Variants in GPC6 observed in about 807,000 individuals in gnomAD.
The protein encoded by GPC6 is glypican-6.
A neutral mutation model predicts 55.2 loss-of-function variants in GPC6; 14 were observed. That is an observed-to-expected ratio of 0.25 (90% CI 0.17 to 0.40). The LOEUF is 0.40. Among genes scored for constraint, GPC6 ranks in the 10% least tolerant of loss-of-function variants. The probability of loss-of-function intolerance (pLI) is 1.00; values close to 1 mark genes in which losing one functional copy is unlikely to be tolerated. For missense variants in GPC6, 641 were observed against 708.5 expected (o/e 0.90, Z 1.08); for synonymous variants, 278 against 259.6 (o/e 1.07, Z -0.68).
At chr13:94,378,187 A>G (rs1447879016) in intron 6 of GPC6, among the ~76,000 whole-genome samples, 1 of 152,066 alleles carries the variant, frequency 6.6e-6, no homozygotes, top group East Asian at 1.9e-4. Context: ...CCTAAAACTT[A>G]AAGTATAATA....
At position 94,350,001 on chromosome 13, in the gene GPC6, A is replaced by G. The variant is rs181916352; in HGVS notation, c.1153-32413A>G. 1.6e-3 allele frequency among the ~76,000 whole-genome samples: 239 copies of G among 152,204 alleles called. 4 individuals are homozygous for G. Among genetic ancestry groups the G allele is most frequent in the South Asian group, 1.5e-3 (7 of 4,816 alleles). ...GGAATTGTACTTCTTTGATTCCTCA[A>G]TGCTGAGCACAAAATCCTACTCTCG... On this transcript the variant is annotated intron_variant, in intron 6 of 8. Transcript: ENST00000377047.
intron 4 of GPC6, among the ~76,000 whole-genome samples, chr13:94,097,250 C>G (rs1271810299): frequency 6.6e-6 from 1 of 152,010 alleles, no homozygotes; most frequent in Non-Finnish European, 1.5e-5. Flanking sequence ...GGCCTGTAAT[C>G]CCAGCACTTT....
Position 93,830,218 on chromosome 13 carries a change from T to C in GPC6, c.384T>C (p.Tyr128=). 4 of 1,604,928 alleles carry C rather than the reference T, an allele frequency of 2.5e-6. No individual in the cohort carries two copies. Among genetic ancestry groups the C allele is most frequent in the South Asian group, 2.2e-5 (2 of 90,602 alleles). Residue 128 remains tyrosine (Y), a synonymous_variant, in exon 3 of 9, where the codon TAT becomes TAC. Coordinates refer to ENST00000377047, the MANE Select transcript of GPC6 (RefSeq NM_005708.5). ...TAAATGATATGTTTGTACGGACCTA[T>C]GGCATGCTGTACATGCAGAATTCAG... ...KSLNDMFVRT[Y]GMLYMQNSEV...
chr13:93,652,976 T>C (rs1014177915), intron 2 of GPC6, among the ~76,000 whole-genome samples: 30 of 152,204 alleles, frequency 2.0e-4, no homozygotes, highest in African/African-American at 7.0e-4. Context: ...TCTCTTTCTA[T>C]GCAACTTATA....
chr13:94,104,060 A>G (rs1300006571), intron 4 of GPC6, among the ~76,000 whole-genome samples: 2 of 152,192 alleles, frequency 1.3e-5, no homozygotes, highest in Non-Finnish European at 2.9e-5. Flanking sequence ...TAATTTTTGT[A>G]CAAGGTGTAA....
At chr13:94,276,283 T>C (rs1159589453) in intron 4 of GPC6, among the ~76,000 whole-genome samples, 1 of 152,110 alleles carries the variant, frequency 6.6e-6, no homozygotes. Flanking sequence ...AACAAGGCTG[T>C]GTTTAGAAAA....
chr13:94,016,686 G>A (rs1218947246), intron 3 of GPC6, among the ~76,000 whole-genome samples: 1 of 152,172 alleles, frequency 6.6e-6, no homozygotes, highest in Non-Finnish European at 1.5e-5. Flanking sequence ...AACAAAATAT[G>A]TCTTCTAGTC....
At chr13:93,300,435 T>C (rs1018274013) in intron 1 of GPC6, among the ~76,000 whole-genome samples, 2 of 147,278 alleles carry the variant, frequency 1.4e-5, no homozygotes, top group Admixed American at 1.4e-4. Context: ...GATCACGAGG[T>C]CAGGAGATTG....
intron 3 of GPC6, among the ~76,000 whole-genome samples, chr13:93,936,551 C>T (rs958738783): frequency 6.6e-6 from 1 of 152,028 alleles, no homozygotes; most frequent in Admixed American, 6.6e-5. Flanking sequence ...TATTACTGAG[C>T]AACTATGATT....
At chr13:94,212,365 G>T (rs1444410197) in intron 4 of GPC6, among the ~76,000 whole-genome samples, 1 of 152,082 alleles carries the variant, frequency 6.6e-6, no homozygotes, top group Non-Finnish European at 1.5e-5. Flanking sequence ...ACTGATATGT[G>T]GATCTAGGAA....
At chr13:94,101,206 G>A (rs1158547525) in intron 4 of GPC6, among the ~76,000 whole-genome samples, 1 of 152,228 alleles carries the variant, frequency 6.6e-6, no homozygotes, top group Non-Finnish European at 1.5e-5. Flanking sequence ...TTCAAGGTTA[G>A]CAGATCTTGT....
chr13:93,502,953 GA>G (rs1205418538), intron 1 of GPC6, among the ~76,000 whole-genome samples: 3 of 151,972 alleles, frequency 2.0e-5, no homozygotes, highest in Admixed American at 6.6e-5. Context: ...AAATAATTAT[GA>G]AAAAAGTTTA....
rs75221600 is a variant in GPC6, at chr13:94,046,376, T to C, written c.877+18482T>C. Among the ~76,000 whole-genome samples, 774 of 152,172 alleles carry C rather than the reference T, an allele frequency of 5.1e-3. 11 individuals are homozygous for C. The highest frequency in any genetic ancestry group is 0.018 in the African/African-American group (744 of 41,548). On this transcript the variant is annotated intron_variant, in intron 4 of 8. Transcript: ENST00000377047. The stretch of plus-strand genomic sequence containing the variant: ...CTGAAGTGTTACCAGCAGTCAACAC[T>C]CTGAGGTCTTACAAGAAGACCTCAC...
At chr13:93,749,138 C>T (rs1449321768) in intron 2 of GPC6, among the ~76,000 whole-genome samples, 20 of 152,034 alleles carry the variant, frequency 1.3e-4, no homozygotes, top group Admixed American at 1.3e-3. Flanking sequence ...TCCCATTTTC[C>T]ATTCTTCAGA....
intron 3 of GPC6, among the ~76,000 whole-genome samples, chr13:93,915,545 G>A (rs1877242465): frequency 6.6e-6 from 1 of 152,196 alleles, no homozygotes; most frequent in Non-Finnish European, 1.5e-5. Context: ...CTATGAATGA[G>A]AACACTATTT....
At chr13:93,975,996 A>T (rs1231075371) in intron 3 of GPC6, among the ~76,000 whole-genome samples, 1 of 152,214 alleles carries the variant, frequency 6.6e-6, no homozygotes, top group Non-Finnish European at 1.5e-5. Flanking sequence ...AATTACTATT[A>T]GCAAGACCTT....
At chr13:93,651,948 TGTG>T (rs1382792595) in intron 2 of GPC6, among the ~76,000 whole-genome samples, 3 of 152,180 alleles carry the variant, frequency 2.0e-5, no homozygotes, top group African/African-American at 7.2e-5. Context: ...GTGATTCCAC[TGTG>T]CAGCCAGGGC....
chr13:93,902,667 C>G (rs1014964873), intron 3 of GPC6, among the ~76,000 whole-genome samples: 6 of 152,124 alleles, frequency 3.9e-5, no homozygotes, highest in African/African-American at 7.2e-5. Context: ...TTTATATTCC[C>G]GCTAACAGTT....
At chr13:93,233,554 A>AAG in intron 1 of GPC6, among the ~76,000 whole-genome samples, 1 of 152,186 alleles carries the variant, frequency 6.6e-6, no homozygotes, top group South Asian at 2.1e-4. Context: ...GAAATTAAGG[A>AAG]CACCATTCAC....
Sources: gnomAD v4.1 joint callset for allele counts (sites outside exome capture counted in the v4.1 genomes callset) on GRCh38, gnomAD v4.1.1 for gene constraint, MANE v1.5 for transcripts, NCBI Gene and HGNC (gene_info 2026-07-23, HGNC 2026-07-21) for gene names.